Variants in CYRIA observed in about 807,000 individuals in gnomAD.
CYRIA encodes CYFIP-related Rac1 interactor A.
Under a neutral mutation model 43.9 loss-of-function variants are expected in CYRIA, and 15 were observed. The ratio of observed to expected loss-of-function variants is 0.34; its 90% CI spans 0.23 to 0.53. The LOEUF is 0.53. CYRIA is among the 20% of genes least tolerant of loss of function. The pLI is 0.94. For missense variants in CYRIA, 236 were observed against 394.2 expected, an observed-to-expected ratio of 0.60 and a Z score of 3.40; for synonymous variants, 117 against 136.0, an observed-to-expected ratio of 0.86 and a Z score of 0.97.
chr2:16,618,668 G>A (rs1281716839), intron 2 of CYRIA, among the ~76,000 whole-genome samples: 1 of 152,192 alleles, frequency 6.6e-6, no homozygotes, highest in Non-Finnish European at 1.5e-5. Context: ...TAGAACTGAG[G>A]CATGGTTAGG....
chr2:16,605,126 TA>T (rs11293051), intron 2 of CYRIA, among the ~76,000 whole-genome samples: 144,362 of 149,268 alleles, frequency 0.97, 69,965 homozygotes, highest in East Asian at 1. Flanking sequence ...ACGGGAATTC[TA>T]AAAAAAAAAA....
At chr2:16,631,634 A>G (rs1207954301) in intron 1 of CYRIA, among the ~76,000 whole-genome samples, 2 of 152,122 alleles carry the variant, frequency 1.3e-5, no homozygotes, top group South Asian at 2.1e-4. Flanking sequence ...GAGAATAACA[A>G]CTTCATTCCA....
At chr2:16,637,351 G>A (rs1015365995) in intron 1 of CYRIA, among the ~76,000 whole-genome samples, 1 of 152,176 alleles carries the variant, frequency 6.6e-6, no homozygotes, top group African/African-American at 2.4e-5. Context: ...GGAAGAATCA[G>A]GTCATGAGGA....
chr2:16,607,390 G>C (rs1459805612), intron 2 of CYRIA, among the ~76,000 whole-genome samples: 1 of 152,162 alleles, frequency 6.6e-6, no homozygotes, highest in Admixed American at 6.5e-5. Context: ...AGTCGACGAA[G>C]TTAGCCATGG....
intron 3 of CYRIA, among the ~76,000 whole-genome samples, chr2:16,580,057 C>T (rs1667497811): frequency 6.6e-6 from 1 of 152,034 alleles, no homozygotes; most frequent in African/African-American, 2.4e-5. Flanking sequence ...GAGCAATCCT[C>T]CTGCCTCAGC....
intron 1 of CYRIA, among the ~76,000 whole-genome samples, chr2:16,647,031 T>C (rs1392807857): frequency 2.0e-5 from 3 of 152,192 alleles, no homozygotes; most frequent in Non-Finnish European, 4.4e-5. Context: ...CCTATAACCA[T>C]GTTGGTTAAT....
At chr2:16,564,873 T>C (rs1167041725) in intron 4 of CYRIA, among the ~76,000 whole-genome samples, 2 of 152,188 alleles carry the variant, frequency 1.3e-5, no homozygotes, top group African/African-American at 2.4e-5. Context: ...TCATAAGACA[T>C]TTGAGATGAC....
intron 1 of CYRIA, among the ~76,000 whole-genome samples, chr2:16,665,532 C>G (rs940550162): frequency 9.2e-5 from 14 of 152,064 alleles, no homozygotes; most frequent in African/African-American, 3.4e-4. Context: ...GGAGGCAGCC[C>G]TCTCAGAAAG....
chr2:16,658,744 T>C (rs1041767871), intron 1 of CYRIA, among the ~76,000 whole-genome samples: 3 of 152,206 alleles, frequency 2.0e-5, no homozygotes, highest in Admixed American at 2.0e-4. Context: ...CTCTTCCTTT[T>C]CTTTTCTCTT....
chr2:16,631,859 G>C (rs1054945554), intron 1 of CYRIA, among the ~76,000 whole-genome samples: 11 of 152,314 alleles, frequency 7.2e-5, no homozygotes, highest in African/African-American at 2.4e-4. Context: ...ACAATCTAGA[G>C]TCAGTCTGGC....
intron 1 of CYRIA, among the ~76,000 whole-genome samples, chr2:16,655,347 T>A (rs1325765427): frequency 6.6e-6 from 1 of 152,052 alleles, no homozygotes; most frequent in Non-Finnish European, 1.5e-5. Flanking sequence ...AACATACTTG[T>A]TAAAAATGGA....
intron 1 of CYRIA, among the ~76,000 whole-genome samples, chr2:16,640,157 A>G (rs373500211): frequency 1.1e-4 from 17 of 152,336 alleles, no homozygotes; most frequent in African/African-American, 3.8e-4. Flanking sequence ...AAAAAGGGGG[A>G]AAAATCCACA....
intron 1 of CYRIA, among the ~76,000 whole-genome samples, chr2:16,626,216 G>T (rs944604369): frequency 1.3e-5 from 2 of 152,106 alleles, no homozygotes; most frequent in African/African-American, 4.8e-5. Context: ...GGGCACCAAG[G>T]GGTAGAGAAT....
At chr2:16,635,460 A>T (rs1004141684) in intron 1 of CYRIA, among the ~76,000 whole-genome samples, 12 of 152,202 alleles carry the variant, frequency 7.9e-5, no homozygotes, top group African/African-American at 2.2e-4. Flanking sequence ...TTGCCCTAAC[A>T]TGGTACCGGG....
intron 2 of CYRIA, among the ~76,000 whole-genome samples, chr2:16,607,244 G>T (rs1668437013): frequency 1.3e-5 from 2 of 151,254 alleles, no homozygotes; most frequent in South Asian, 4.2e-4. Context: ...TCAACCTAAG[G>T]CTGGGACAGG....
intron 3 of CYRIA, among the ~76,000 whole-genome samples, chr2:16,575,996 A>G (rs1057235413): frequency 1.3e-5 from 2 of 152,162 alleles, no homozygotes; most frequent in African/African-American, 2.4e-5. Context: ...CCTCTGTCAT[A>G]ATTGTGAGGC....
chr2:16,608,235 T>G (rs190406230), intron 2 of CYRIA, among the ~76,000 whole-genome samples: 1 of 152,130 alleles, frequency 6.6e-6, no homozygotes, highest in Admixed American at 6.5e-5. Flanking sequence ...AAAACAGTCA[T>G]TGGTGAGAGA....
At chr2:16,559,145 C>T (rs1158864229) in intron 10 of CYRIA, among the ~76,000 whole-genome samples, 1 of 152,110 alleles carries the variant, frequency 6.6e-6, no homozygotes. Flanking sequence ...GAATAGAAAC[C>T]ATCTATTTGT....
chr2:16,583,042 T>G (rs548575003), intron 3 of CYRIA, among the ~76,000 whole-genome samples: 1 of 152,344 alleles, frequency 6.6e-6, no homozygotes, highest in African/African-American at 2.4e-5. Flanking sequence ...TCTTTTTGAT[T>G]AGAACAGTCC....
Sources: allele counts gnomAD v4.1 joint callset (sites outside exome capture counted in the v4.1 genomes callset), GRCh38; gene constraint gnomAD v4.1.1; transcripts MANE v1.5; gene names NCBI Gene and HGNC (gene_info 2026-07-23, HGNC 2026-07-21).